SCARB1: variants seen among roughly 807,000 people sequenced by gnomAD.
The protein encoded by SCARB1 is CD36 and LIMPII analogous 1.
A neutral mutation model predicts 57.2 loss-of-function variants in SCARB1; 30 were observed. The ratio of observed to expected loss-of-function variants is 0.52; its 90% CI spans 0.39 to 0.71. SCARB1 has a LOEUF of 0.71. SCARB1 is among the 30% of genes least tolerant of loss of function. The pLI is 0.00. For missense variants in SCARB1, 543 were observed against 671.2 expected (o/e 0.81, Z 2.11); for synonymous variants, 249 against 268.3 (o/e 0.93, Z 0.70).
chr12:124,790,910 C>A (rs1278122026), intron 9 of SCARB1, among the ~76,000 whole-genome samples: 4 of 152,240 alleles, frequency 2.6e-5, no homozygotes, highest in Admixed American at 2.6e-4. Flanking sequence ...ATTCGGGAGG[C>A]CTCCCATTGC....
chr12:124,840,131 T>TA (rs1951852728), intron 1 of SCARB1: 1 of 1,198,854 alleles, frequency 8.3e-7, no homozygotes, highest in Non-Finnish European at 1.1e-6. Flanking sequence ...CTCATTTCCC[T>TA]AACGATGAGC....
chr12:124,855,388 G>A (rs1952586197), intron 1 of SCARB1, among the ~76,000 whole-genome samples: 1 of 152,170 alleles, frequency 6.6e-6, no homozygotes. Flanking sequence ...CGCAGGCTTT[G>A]GGAGGAAAAT....
intron 7 of SCARB1, among the ~76,000 whole-genome samples, chr12:124,803,689 CAAAAAAAAA>C (rs58564503): frequency 0.027 from 1,307 of 47,702 alleles, 12 homozygotes; most frequent in South Asian, 0.14. Flanking sequence ...CCCACCTCTA[CAAAAAAAAA>C]AAAAAAAAAA....
chr12:124,781,602 T>C (rs1037450628), intron 12 of SCARB1, among the ~76,000 whole-genome samples: 1 of 152,138 alleles, frequency 6.6e-6, no homozygotes, highest in Non-Finnish European at 1.5e-5. Flanking sequence ...TCCCAGCAGA[T>C]AGGGCGGCCA....
intron 1 of SCARB1, among the ~76,000 whole-genome samples, chr12:124,838,906 C>T (rs1169032163): frequency 1.3e-5 from 2 of 150,814 alleles, no homozygotes; most frequent in Non-Finnish European, 2.9e-5. Flanking sequence ...TCCTAAGTAG[C>T]TGGGATTACA....
chr12:124,859,611 A>G (rs1952799121), intron 1 of SCARB1, among the ~76,000 whole-genome samples: 1 of 152,202 alleles, frequency 6.6e-6, no homozygotes, highest in Non-Finnish European at 1.5e-5. Context: ...GCCTTCTCTC[A>G]TTAGAGTAGC....
At chr12:124,832,237 G>A (rs1465469483) in intron 1 of SCARB1, among the ~76,000 whole-genome samples, 3 of 152,130 alleles carry the variant, frequency 2.0e-5, no homozygotes, top group Non-Finnish European at 4.4e-5. Context: ...ACTGTTCTAG[G>A]CCGGGCGCGG....
intron 1 of SCARB1, among the ~76,000 whole-genome samples, chr12:124,828,504 C>T (rs1951255982): frequency 6.6e-6 from 1 of 152,204 alleles, no homozygotes; most frequent in African/African-American, 2.4e-5. Flanking sequence ...CCTCAGACAC[C>T]AGGGGAGCAG....
rs1950799610 is a variant in SCARB1 at position 124,817,742 on chromosome 12, A to G, written c.127-35T>C. The G allele has an allele frequency of 6.2e-7, 1 of 1,612,514 alleles. No homozygotes were observed. The highest frequency in any genetic ancestry group is 8.5e-7 in the Non-Finnish European group (1 of 1,178,846). On this transcript the variant is annotated intron_variant, in intron 1 of 12. Transcript: ENST00000261693. The surrounding 1 kb of genome is among the most constrained non-coding windows in gnomAD (Gnocchi z 4.8). Reference sequence around the variant, plus strand: ...AAGGGACAAGTACGCTTGTGAGGAGAGTGATGAGGGCCCCACGCCCCACCA... The same window carrying G: ...AAGGGACAAGTACGCTTGTGAGGAGGGTGATGAGGGCCCCACGCCCCACCA...
rs954764608 is a variant in SCARB1, at chr12:124,785,978, C to G, written c.1401+379G>C. ...GGGATGCCAGCCCCCCTCAATCCCC[C>G]TGAGCAGGGATCTCAGCTGTCTCCT... is the stretch of plus-strand genomic sequence containing the variant. On this transcript the variant is annotated intron_variant, in intron 11 of 12. Transcript: ENST00000261693. 2.3e-6 allele frequency: 3 copies of G among 1,296,694 alleles called. No homozygotes were observed. The African/African-American group carries it at 4.5e-5, about 19-fold the overall frequency. 80.3% of individuals were successfully genotyped at this position (1,296,694 alleles called of 1,614,324 possible).
chr12:124,844,722 A>G (rs1351196395), intron 1 of SCARB1, among the ~76,000 whole-genome samples: 2 of 151,978 alleles, frequency 1.3e-5, no homozygotes, highest in Non-Finnish European at 2.9e-5. Context: ...CCCTGCCAAC[A>G]TCCTGATCTC....
At chr12:124,845,606 G>A (rs555842026) in intron 1 of SCARB1, among the ~76,000 whole-genome samples, 265 of 151,522 alleles carry the variant, frequency 1.7e-3, no homozygotes, top group Non-Finnish European at 3.2e-3. Flanking sequence ...TGGGGAGGCT[G>A]AGGCAGGAGA....
chr12:124,856,475 C>G (rs535836855), intron 1 of SCARB1, among the ~76,000 whole-genome samples: 72 of 152,344 alleles, frequency 4.7e-4, no homozygotes, highest in Non-Finnish European at 6.8e-4. Context: ...AAACTAGACT[C>G]ACACAAACTA....
intron 1 of SCARB1, among the ~76,000 whole-genome samples, chr12:124,834,051 C>G (rs781059522): frequency 6.6e-6 from 1 of 152,210 alleles, no homozygotes; most frequent in Non-Finnish European, 1.5e-5. Flanking sequence ...GCCAGTGACA[C>G]GAGGGTGTCC....
At position 124,856,965 on chromosome 12, in the gene SCARB1, GTGA is replaced by G. The variant is rs1249312676; in HGVS notation, c.126+6627_126+6629del. ...CTCTGCACCAGCAAAGTTTGGCGGG[GTGA>G]TGATTAGGACAAAGCCTCGAAGGGA... On this transcript the variant is annotated intron_variant, in intron 1 of 12. Transcript: ENST00000261693. Among the ~76,000 whole-genome samples the G allele has an allele frequency of 2.6e-5, 4 of 152,238 alleles. No individual in the cohort carries two copies. In the East Asian group the frequency reaches 7.7e-4, roughly 29 times the overall value.
At chr12:124,799,172 A>G (rs1950050027) in intron 8 of SCARB1, among the ~76,000 whole-genome samples, 1 of 152,238 alleles carries the variant, frequency 6.6e-6, no homozygotes, top group Non-Finnish European at 1.5e-5. Flanking sequence ...AGTTATATAC[A>G]TACATCATAA....
rs1344973820 is a variant in SCARB1 at position 124,807,533 on chromosome 12, G to A, written c.1009+228C>T. Among the ~76,000 whole-genome samples, 1 of 152,228 alleles carries A rather than the reference G, an allele frequency of 6.6e-6. No individual in the cohort carries two copies. The highest frequency in any genetic ancestry group is 2.4e-5 in the African/African-American group (1 of 41,464). On this transcript the variant is annotated intron_variant, in intron 7 of 12. Coordinates refer to ENST00000261693, the MANE Select transcript of SCARB1 (RefSeq NM_005505.5). This position sits in a 1 kb window ranked among gnomAD's most constrained non-coding sequence, Gnocchi z 5.3. The stretch of plus-strand genomic sequence containing the variant: ...TACAGAACTGCAAGATAACCAGTGT[G>A]TGTTGTTCTAAGCCCTGAAGTTCAT...
At chr12:124,843,291 G>GC (rs375062892) in intron 1 of SCARB1, among the ~76,000 whole-genome samples, 8 of 19,022 alleles carry the variant, frequency 4.2e-4, no homozygotes, top group Admixed American at 8.4e-4. Flanking sequence ...CTGTGGAGAT[G>GC]GGGGGGGGGG....
intron 1 of SCARB1, among the ~76,000 whole-genome samples, chr12:124,856,404 G>T (rs577275536): frequency 6.6e-6 from 1 of 152,192 alleles, no homozygotes; most frequent in Non-Finnish European, 1.5e-5. Flanking sequence ...ACCAACACAC[G>T]TGTGTGCAAA....
Sources: gnomAD v4.1 joint callset for allele counts (sites outside exome capture counted in the v4.1 genomes callset) on GRCh38, gnomAD v4.1.1 for gene constraint, Gnocchi (gnomAD v3.1) non-coding constraint, MANE v1.5 for transcripts, NCBI Gene and HGNC (gene_info 2026-07-23, HGNC 2026-07-21) for gene names.